The following BNC2 variants were observed in gnomAD, a reference collection of about 807,000 sequenced individuals.
BNC2 encodes zinc finger protein basonuclin-2.
A neutral mutation model predicts 76.3 loss-of-function variants in BNC2; 20 were observed. That is an observed-to-expected ratio of 0.26 (90% CI 0.18 to 0.38). The LOEUF (loss-of-function observed/expected upper bound fraction) is 0.38, where lower values mean the gene tolerates loss of function less well. BNC2 is among the 10% of genes least tolerant of loss of function. The probability of loss-of-function intolerance (pLI) is 1.00; values close to 1 mark genes in which losing one functional copy is unlikely to be tolerated. For synonymous variants in BNC2, 582 were observed against 514.8 expected (o/e 1.13, Z -1.77); for missense variants, 1,382 against 1,399.8 (o/e 0.99, Z 0.20).
intron 3 of BNC2, among the ~76,000 whole-genome samples, chr9:16,717,169 C>G (rs1470098666): frequency 6.6e-6 from 1 of 151,942 alleles, no homozygotes; most frequent in Non-Finnish European, 1.5e-5. Flanking sequence ...TCTCTCCGCA[C>G]CCCTTTCACA....
intron 3 of BNC2, among the ~76,000 whole-genome samples, chr9:16,723,274 C>T (rs182886040): frequency 6.6e-6 from 1 of 152,016 alleles, no homozygotes; most frequent in South Asian, 2.1e-4. Context: ...AAGTCGTTTT[C>T]AAAGACCATT....
intron 5 of BNC2, among the ~76,000 whole-genome samples, chr9:16,446,142 G>A (rs779703137): frequency 2.0e-5 from 3 of 152,126 alleles, no homozygotes; most frequent in Admixed American, 1.3e-4. Flanking sequence ...ACATGTGCAT[G>A]TACACAAACA....
chr9:16,731,859 A>G (rs190964837), intron 2 of BNC2, among the ~76,000 whole-genome samples: 2 of 152,312 alleles, frequency 1.3e-5, no homozygotes, highest in East Asian at 1.9e-4. Context: ...TGTTTTGGAT[A>G]GTAATTAAAA....
intron 1 of BNC2, among the ~76,000 whole-genome samples, chr9:16,799,357 C>A (rs1237173011): frequency 3.3e-5 from 5 of 152,002 alleles, no homozygotes; most frequent in African/African-American, 9.7e-5. Flanking sequence ...CTCTCTCACC[C>A]AAACTGGAGT....
chr9:16,620,683 C>T (rs1820841082), intron 3 of BNC2, among the ~76,000 whole-genome samples: 1 of 152,152 alleles, frequency 6.6e-6, no homozygotes, highest in African/African-American at 2.4e-5. Flanking sequence ...TGCCAACTCC[C>T]TTTTTTCAGT....
intron 1 of BNC2, among the ~76,000 whole-genome samples, chr9:16,774,327 C>T (rs1825907668): frequency 6.6e-6 from 1 of 152,174 alleles, no homozygotes; most frequent in Non-Finnish European, 1.5e-5. Context: ...TTCGTTACAT[C>T]TGATAAGGAA....
intron 1 of BNC2, among the ~76,000 whole-genome samples, chr9:16,869,333 C>T (rs184969716): frequency 1.3e-5 from 2 of 152,220 alleles, no homozygotes; most frequent in Non-Finnish European, 2.9e-5. Context: ...AAATGGGAAC[C>T]ATCATAAATC....
intron 3 of BNC2, among the ~76,000 whole-genome samples, chr9:16,650,241 G>A (rs1010513020): frequency 2.6e-5 from 4 of 152,036 alleles, no homozygotes; most frequent in South Asian, 4.2e-4. Flanking sequence ...TTTACTTGTC[G>A]ACCATTTTTA....
chr9:16,860,144 G>C (rs1819362223), intron 1 of BNC2, among the ~76,000 whole-genome samples: 1 of 151,204 alleles, frequency 6.6e-6, no homozygotes, highest in East Asian at 1.9e-4. Flanking sequence ...GGATTAACAA[G>C]ATACATTTTA....
intron 4 of BNC2, among the ~76,000 whole-genome samples, chr9:16,579,078 G>T (rs1406578929): frequency 2.0e-5 from 3 of 152,098 alleles, no homozygotes; most frequent in East Asian, 3.9e-4. Context: ...TGGGCAGGGT[G>T]GTGGTAAGGT....
intron 3 of BNC2, among the ~76,000 whole-genome samples, chr9:16,684,077 T>C (rs1220877621): frequency 6.6e-6 from 1 of 152,152 alleles, no homozygotes; most frequent in African/African-American, 2.4e-5. Context: ...GTCAATGTAC[T>C]CAATAGGTTT....
chr9:16,864,060 C>T (rs1262306638), intron 1 of BNC2, among the ~76,000 whole-genome samples: 1 of 152,092 alleles, frequency 6.6e-6, no homozygotes, highest in African/African-American at 2.4e-5. Context: ...TTTTCCAATA[C>T]AAAATTTACA....
At chr9:16,527,951 C>T (rs978589119) in intron 5 of BNC2, among the ~76,000 whole-genome samples, 1 of 152,122 alleles carries the variant, frequency 6.6e-6, no homozygotes, top group Non-Finnish European at 1.5e-5. Context: ...AGGTAAATTA[C>T]GGTTCTTAAC....
intron 3 of BNC2, among the ~76,000 whole-genome samples, chr9:16,680,942 C>A (rs1258648060): frequency 4.6e-5 from 7 of 152,200 alleles, no homozygotes; most frequent in Non-Finnish European, 7.3e-5. Flanking sequence ...GTAAACCAAT[C>A]AAACCAAATA....
chr9:16,673,842 T>G (rs1822557733), intron 3 of BNC2, among the ~76,000 whole-genome samples: 1 of 151,890 alleles, frequency 6.6e-6, no homozygotes, highest in South Asian at 2.1e-4. Context: ...GGTTCATGTT[T>G]AGTCTCCCCA....
intron 3 of BNC2, among the ~76,000 whole-genome samples, chr9:16,659,425 T>C (rs932409510): frequency 5.3e-5 from 8 of 151,920 alleles, no homozygotes; most frequent in Admixed American, 2.0e-4. Flanking sequence ...CTGGCCAACA[T>C]GGTGAAACCC....
chr9:16,677,892 G>C (rs889763230), intron 3 of BNC2, among the ~76,000 whole-genome samples: 1 of 152,094 alleles, frequency 6.6e-6, no homozygotes, highest in Non-Finnish European at 1.5e-5. Flanking sequence ...ACAACTTTAT[G>C]TAAAAATGTA....
intron 3 of BNC2, among the ~76,000 whole-genome samples, chr9:16,656,563 G>A (rs1431491342): frequency 1.3e-5 from 2 of 152,184 alleles, no homozygotes; most frequent in Non-Finnish European, 2.9e-5. Flanking sequence ...ACAATTTGGT[G>A]AGTTTGGATA....
At position 16,435,765 on chromosome 9, in the gene BNC2, G is replaced by A. The variant is rs769262078; in HGVS notation, c.2429C>T (p.Ser810Leu). 3.7e-6 allele frequency: 6 copies of A among 1,614,068 alleles called. No individual in the cohort carries two copies. The highest frequency in any genetic ancestry group is 1.1e-5 in the South Asian group (1 of 91,066). Residue 810 changes from serine to leucine, a missense_variant, in exon 6 of 7, where the codon TCG becomes TTG. Ser to Leu is a moderately radical substitution (Grantham distance 145). Around this residue, in one of 3 missense-constraint regions of BNC2, gnomAD observed 798 missense variants for 775.5 expected, o/e 1.03. Coordinates refer to ENST00000380672, the MANE Select transcript of BNC2 (RefSeq NM_017637.6). ...SMAALHESFT[S>L]SLNYGSPQKF... is the part of the protein sequence containing the mutation. ...TTGAGGGCTGCCATAATTCAGAGAC[G>A]ATGTAAAGCTCTCATGCAAGGCGGC...
Sources: allele counts gnomAD v4.1 joint callset (sites outside exome capture counted in the v4.1 genomes callset), GRCh38; gene constraint gnomAD v4.1.1; regional missense constraint gnomAD v4.1.1; transcripts MANE v1.5; gene names NCBI Gene and HGNC (gene_info 2026-07-23, HGNC 2026-07-21).